ARSG: variants seen among roughly 807,000 people sequenced by gnomAD.
ARSG encodes the protein ASG.
ARSG carries 37 observed loss-of-function variants against 50.5 expected under a neutral mutation model. The observed-to-expected ratio is 0.73, with a 90% CI of 0.56 to 0.96. The LOEUF (loss-of-function observed/expected upper bound fraction) is 0.96. ARSG is among the 50% of genes least tolerant of loss of function. ARSG has a pLI of 0.00. For missense variants in ARSG, 629 were observed against 675.3 expected (o/e 0.93, Z 0.76); for synonymous variants, 225 against 254.6 (o/e 0.88, Z 1.11).
At chr17:68,269,102 C>T (rs782410568) in intron 1 of ARSG, 10 of 1,521,296 alleles carry the variant, frequency 6.6e-6, no homozygotes, top group African/African-American at 1.4e-5. Flanking sequence ...TGTGTCATAC[C>T]GGCTCCATTT....
chr17:68,354,561 G>A (rs1157734740), intron 5 of ARSG, among the ~76,000 whole-genome samples: 1 of 152,022 alleles, frequency 6.6e-6, no homozygotes, highest in African/African-American at 2.4e-5. Flanking sequence ...ATAAATATGC[G>A]ATTAGTGTTC....
chr17:68,342,457 G>A (rs774211451), intron 2 of ARSG, among the ~76,000 whole-genome samples: 3 of 151,070 alleles, frequency 2.0e-5, no homozygotes, highest in Non-Finnish European at 2.9e-5. Flanking sequence ...GGGTTGAAGC[G>A]ATTCTCCTGC....
intron 2 of ARSG, among the ~76,000 whole-genome samples, chr17:68,331,411 A>G (rs1676670011): frequency 1.3e-5 from 2 of 151,810 alleles, no homozygotes; most frequent in South Asian, 2.1e-4. Flanking sequence ...TGCCTGGCTA[A>G]TTTTTCGTAT....
At chr17:68,286,043 G>A (rs1239264474) in intron 1 of ARSG, among the ~76,000 whole-genome samples, 4 of 152,178 alleles carry the variant, frequency 2.6e-5, no homozygotes, top group Admixed American at 1.3e-4. Flanking sequence ...ACAGATGTGA[G>A]CCACCGCGCC....
Position 68,264,158 on chromosome 17 carries a change from A to G in ARSG, c.-552+4732A>G, listed in dbSNP as rs1399246616. 3.3e-5 allele frequency among the ~76,000 whole-genome samples: 5 copies of G among 152,014 alleles called. No individual in the cohort carries two copies. The East Asian group carries it at 9.7e-4, about 29-fold the overall frequency. On this transcript the variant is annotated intron_variant, in intron 1 of 11. Coordinates refer to the ARSG transcript ENST00000448504. Reference sequence around the variant, plus strand: ...ATTACAGGTGTGCGCCACCACGCCCAGCTGAAGGATCATGATGATTTCTGA... The same window carrying G: ...ATTACAGGTGTGCGCCACCACGCCCGGCTGAAGGATCATGATGATTTCTGA...
intron 1 of ARSG, among the ~76,000 whole-genome samples, chr17:68,277,006 G>A (rs2075545103): frequency 6.6e-6 from 1 of 152,128 alleles, no homozygotes; most frequent in South Asian, 2.1e-4. Context: ...GAATTCAGAA[G>A]GTCTCCTCAG....
chr17:68,346,903 G>T (rs750567110), intron 3 of ARSG: 2 of 1,471,738 alleles, frequency 1.4e-6, no homozygotes, highest in Admixed American at 4.1e-5. Flanking sequence ...CTTTCACTGT[G>T]GTTTCCCGTG....
intron 8 of ARSG, 33 bp downstream of exon 8, chr17:68,370,557 T>C (rs375037333): frequency 2.0e-5 from 32 of 1,597,470 alleles, no homozygotes; most frequent in East Asian, 6.7e-5. Context: ...GTGGATCCCA[T>C]TGCAATGCTG....
At chr17:68,289,320 C>T (rs1417287560), upstream of ARSG, among the ~76,000 whole-genome samples, 3 of 152,092 alleles carry the variant, frequency 2.0e-5, no homozygotes, top group Admixed American at 6.6e-5. Context: ...AGGTATCTTG[C>T]CAAAGGCTTG....
At chr17:68,352,019 G>T (rs960331156) in intron 5 of ARSG, among the ~76,000 whole-genome samples, 1 of 151,544 alleles carries the variant, frequency 6.6e-6, no homozygotes, top group Non-Finnish European at 1.5e-5. Flanking sequence ...CCAGACACTG[G>T]ACATAAGGAG....
rs1294114306 is a variant in ARSG at position 68,367,661 on chromosome 17, A to G, written c.705-887A>G. ...TTTCCAGGGAAATCAGGATGAGTAC[A>G]GAGGCAGCCGAACAACAAGGCCTCT... On this transcript the variant is annotated intron_variant, in intron 6 of 11. Coordinates refer to ENST00000621439, the MANE Select transcript of ARSG (RefSeq NM_001267727.2). The surrounding 1 kb of genome is among the most constrained non-coding windows in gnomAD (Gnocchi z 4.5). Among the ~76,000 whole-genome samples, 1 of 152,212 alleles carries G rather than the reference A, an allele frequency of 6.6e-6. No homozygotes were observed. The highest frequency in any genetic ancestry group is 1.5e-5 in the Non-Finnish European group (1 of 68,042).
At chr17:68,281,964 C>G (rs1555752962) in intron 1 of ARSG, among the ~76,000 whole-genome samples, 1 of 152,146 alleles carries the variant, frequency 6.6e-6, no homozygotes, top group African/African-American at 2.4e-5. Flanking sequence ...GGATCTAGAA[C>G]TGGAAATACC....
At chr17:68,436,396 C>G in the ARSG span, 1 of 1,613,896 alleles carries the variant, frequency 6.2e-7, no homozygotes, top group Non-Finnish European at 8.5e-7. Context: ...GAGTTTCCAT[C>G]ATAAAGCACA....
chr17:68,399,087 C>T lies in ARSG; in HGVS notation c.1213-2273C>T, dbSNP rs1326246083. Among the ~76,000 whole-genome samples the T allele has an allele frequency of 6.6e-6, 1 of 152,234 alleles. No homozygotes were observed. The highest frequency in any genetic ancestry group is 1.5e-5 in the Non-Finnish European group (1 of 68,036). ...CGAAGGAACGTTTCCCCTAACAGCT[C>T]TGCATCTGCCCAGCCTCACACAGTC... On this transcript the variant is annotated intron_variant, in intron 10 of 11. Coordinates refer to ENST00000621439, the MANE Select transcript of ARSG (RefSeq NM_001267727.2). This position sits in a 1 kb window ranked among gnomAD's most constrained non-coding sequence, Gnocchi z 4.6.
intron 6 of ARSG, among the ~76,000 whole-genome samples, chr17:68,364,037 A>G (rs2079422788): frequency 6.6e-6 from 1 of 152,168 alleles, no homozygotes. Flanking sequence ...CCCTCCACCC[A>G]GGCACCATCT....
chr17:68,365,215 G>A (rs950299344), intron 6 of ARSG, among the ~76,000 whole-genome samples: 8 of 152,180 alleles, frequency 5.3e-5, no homozygotes, highest in African/African-American at 1.4e-4. Flanking sequence ...GGGAGGCTGA[G>A]GCAGGAGAAT....
chr17:68,385,243 G>C, intron 9 of ARSG, 71 bp downstream of exon 9: 1 of 1,391,422 alleles, frequency 7.2e-7, no homozygotes, highest in East Asian at 2.3e-5. Flanking sequence ...TGGGTGGCTA[G>C]ATGGAGGCAT....
chr17:68,446,637 A>C, the ARSG span, among the ~76,000 whole-genome samples: 1 of 152,250 alleles, frequency 6.6e-6, no homozygotes, highest in African/African-American at 2.4e-5. Context: ...TTGCCAGCAC[A>C]TGCCGTGGTT....
chr17:68,273,189 C>T (rs1221812653), intron 1 of ARSG, among the ~76,000 whole-genome samples: 2 of 151,508 alleles, frequency 1.3e-5, no homozygotes, highest in South Asian at 2.1e-4. Context: ...GAATATATGG[C>T]CTCCTTTTAT....
Sources: gnomAD v4.1 joint callset for allele counts (sites outside exome capture counted in the v4.1 genomes callset) on GRCh38, gnomAD v4.1.1 for gene constraint, Gnocchi (gnomAD v3.1) non-coding constraint, MANE v1.5 for transcripts, NCBI Gene and HGNC (gene_info 2026-07-23, HGNC 2026-07-21) for gene names.